The following ITFG1 variants were observed in gnomAD, a reference collection of about 807,000 sequenced individuals.
ITFG1 encodes the protein T-cell immunomodulatory protein.
ITFG1 carries 34 observed loss-of-function variants against 81.8 expected under a neutral mutation model. That is an observed-to-expected ratio of 0.42 (90% confidence interval 0.32 to 0.55). The LOEUF is 0.55. Among genes scored for constraint, ITFG1 ranks in the 20% least tolerant of loss-of-function variants. The pLI is 0.17. For missense variants in ITFG1, 672 were observed against 755.4 expected (o/e 0.89, Z 1.29); for synonymous variants, 285 against 270.6 (o/e 1.05, Z -0.52).
intron 8 of ITFG1, among the ~76,000 whole-genome samples, chr16:47,318,618 T>C (rs907340580): frequency 1.3e-5 from 2 of 152,178 alleles, no homozygotes; most frequent in African/African-American, 4.8e-5. Flanking sequence ...CCAAAGAGCT[T>C]TGTTTATGTG....
At chr16:47,293,159 T>C (rs922041052) in intron 10 of ITFG1, among the ~76,000 whole-genome samples, 4 of 147,536 alleles carry the variant, frequency 2.7e-5, no homozygotes, top group Admixed American at 1.4e-4. Context: ...ACAAGCATGA[T>C]ATATAATATA....
chr16:47,413,552 T>C (rs1968836714), intron 6 of ITFG1, among the ~76,000 whole-genome samples: 1 of 152,044 alleles, frequency 6.6e-6, no homozygotes, highest in South Asian at 2.1e-4. Flanking sequence ...AAAATTAGCC[T>C]GGTGTTGATG....
intron 12 of ITFG1, among the ~76,000 whole-genome samples, chr16:47,243,609 T>C (rs1965963213): frequency 6.6e-6 from 1 of 152,164 alleles, no homozygotes; most frequent in African/African-American, 2.4e-5. Flanking sequence ...TTGTGGAACA[T>C]ATATAACATT....
Position 47,454,039 on chromosome 16 carries a change from A to G in ITFG1, c.401T>C (p.Ile134Thr). ...TAATGTTTGATTTTGTCCCCAGAAG[A>G]TAACAGCTCCTAATTCACTCTTGGC... ...NYAKSELGAVIFWGQNQTLDP... is the reference protein window; with the variant it reads ...NYAKSELGAVTFWGQNQTLDP... The change falls in exon 3 of 18, where the codon ATC (isoleucine) becomes ACC (threonine). Residue 134 changes from isoleucine to threonine, a missense_variant. Physicochemically the swap from Ile to Thr is moderately conservative, Grantham distance 89 (BLOSUM62 -1). Around this residue, in one of 3 missense-constraint regions of ITFG1, gnomAD observed 560 missense variants for 625.7 expected, o/e 0.90. Transcript: ENST00000320640. The G allele has an allele frequency of 6.2e-7, 1 of 1,607,476 alleles. No individual in the cohort carries two copies. The highest frequency in any genetic ancestry group is 8.5e-7 in the Non-Finnish European group (1 of 1,176,596).
intron 6 of ITFG1, among the ~76,000 whole-genome samples, chr16:47,378,967 C>T (rs1376368065): frequency 6.6e-6 from 1 of 152,012 alleles, no homozygotes; most frequent in African/African-American, 2.4e-5. Flanking sequence ...ACCCAGATGC[C>T]CTTTTGGGAA....
intron 12 of ITFG1, among the ~76,000 whole-genome samples, chr16:47,240,657 C>T (rs1410866011): frequency 3.9e-5 from 6 of 152,110 alleles, no homozygotes; most frequent in Non-Finnish European, 8.8e-5. Context: ...GCCAAATGTC[C>T]ACTGACAGAT....
chr16:47,182,825 G>A (rs1270680709), intron 14 of ITFG1, among the ~76,000 whole-genome samples: 1 of 152,248 alleles, frequency 6.6e-6, no homozygotes, highest in Non-Finnish European at 1.5e-5. Context: ...CAACGCAGAA[G>A]ACGGGTGATT....
At chr16:47,216,622 T>G (rs1024446791) in intron 14 of ITFG1, among the ~76,000 whole-genome samples, 3 of 152,146 alleles carry the variant, frequency 2.0e-5, no homozygotes, top group African/African-American at 7.2e-5. Context: ...TTTATTAACT[T>G]TTCTTCTATG....
intron 5 of ITFG1, among the ~76,000 whole-genome samples, chr16:47,435,409 T>C (rs569915672): frequency 1.7e-4 from 26 of 152,334 alleles, no homozygotes; most frequent in Non-Finnish European, 2.5e-4. Context: ...GAGTGTATCA[T>C]TGACATTTCT....
intron 10 of ITFG1, among the ~76,000 whole-genome samples, chr16:47,266,576 G>A (rs1424630582): frequency 6.6e-6 from 1 of 152,192 alleles, no homozygotes; most frequent in African/African-American, 2.4e-5. Flanking sequence ...AAAATGTGGA[G>A]TAATTGGAAG....
chr16:47,243,695 T>A (rs1965964048), intron 12 of ITFG1, among the ~76,000 whole-genome samples: 1 of 152,192 alleles, frequency 6.6e-6, no homozygotes, highest in Non-Finnish European at 1.5e-5. Context: ...TATACTTTGT[T>A]AAGGTAAAAA....
chr16:47,450,258 GA>G (rs944010311), intron 5 of ITFG1: 1 of 164,408 alleles, frequency 6.1e-6, no homozygotes, highest in Non-Finnish European at 1.3e-5. Flanking sequence ...AAATTTTGGA[GA>G]AAAAAACAGG....
At chr16:47,238,704 G>C (rs1965901612) in intron 12 of ITFG1, among the ~76,000 whole-genome samples, 1 of 151,916 alleles carries the variant, frequency 6.6e-6, no homozygotes, top group Admixed American at 6.6e-5. Flanking sequence ...TATGTTATAA[G>C]ATAAAGAAAG....
intron 5 of ITFG1, among the ~76,000 whole-genome samples, chr16:47,442,394 G>A (rs528428501): frequency 3.9e-5 from 6 of 151,938 alleles, no homozygotes; most frequent in Non-Finnish European, 7.4e-5. Flanking sequence ...CCAAAAAAGA[G>A]CCCGCCTTGC....
intron 6 of ITFG1, among the ~76,000 whole-genome samples, chr16:47,415,014 A>G (rs1450997999): frequency 6.6e-6 from 1 of 152,152 alleles, no homozygotes; most frequent in Non-Finnish European, 1.5e-5. Context: ...TGAATATCCC[A>G]TCCATTGCCT....
intron 8 of ITFG1, among the ~76,000 whole-genome samples, chr16:47,330,331 T>G (rs978209972): frequency 4.6e-5 from 7 of 151,868 alleles, no homozygotes. Flanking sequence ...GACCTCAACC[T>G]AAAAAATCCT....
Position 47,459,170 on chromosome 16 carries a change from C to A in ITFG1, c.214G>T (p.Asp72Tyr). The change falls in exon 2 of 18, where the codon GAC becomes TAC. Residue 72 changes from aspartate (D) to tyrosine (Y), a missense_variant. Coordinates refer to ENST00000320640, the MANE Select transcript of ITFG1 (RefSeq NM_030790.5). The part of the protein sequence containing the change: ...TDLFVLRERN[D>Y]LIVFLADQNA... ...TGGTCTGCCAAAAAGACGATTAAGTCATTTCCTAAAGAAAACAAATATATG... is the reference window on the plus strand; with the variant it reads ...TGGTCTGCCAAAAAGACGATTAAGTAATTTCCTAAAGAAAACAAATATATG... The A allele has an allele frequency of 6.3e-7, 1 of 1,588,810 alleles. No homozygotes were observed. Among genetic ancestry groups the A allele is most frequent in the South Asian group, 1.1e-5 (1 of 90,436 alleles).
intron 14 of ITFG1, among the ~76,000 whole-genome samples, chr16:47,205,464 T>A (rs1965481252): frequency 6.6e-6 from 1 of 152,172 alleles, no homozygotes; most frequent in African/African-American, 2.4e-5. Flanking sequence ...TATTTCTGAA[T>A]CGGGATGAGA....
chr16:47,389,689 A>G (rs1436088831), intron 6 of ITFG1, among the ~76,000 whole-genome samples: 1 of 152,224 alleles, frequency 6.6e-6, no homozygotes, highest in Non-Finnish European at 1.5e-5. Context: ...TAAACAAGTG[A>G]CATTTCCATG....
Sources: allele counts gnomAD v4.1 joint callset (sites outside exome capture counted in the v4.1 genomes callset), GRCh38; gene constraint gnomAD v4.1.1; regional missense constraint gnomAD v4.1.1; transcripts MANE v1.5; gene names NCBI Gene and HGNC (gene_info 2026-07-23, HGNC 2026-07-21).